Variants in DNAH6 observed in about 807,000 individuals in gnomAD.
DNAH6 encodes axonemal beta dynein heavy chain 6.
In DNAH6, 340 loss-of-function variants were observed where a neutral mutation model predicts 491.4. That is an observed-to-expected ratio of 0.69 (90% confidence interval 0.63 to 0.76). The LOEUF (loss-of-function observed/expected upper bound fraction) is 0.76. Ranked by LOEUF, DNAH6 falls within the 30% of genes least tolerant of loss-of-function variation. The pLI, the probability that DNAH6 is intolerant of heterozygous loss-of-function variation, is 0.00. For missense variants in DNAH6, 4,443 were observed against 4,972.2 expected (o/e 0.89, Z 3.20); for synonymous variants, 1,603 against 1,686.1 (o/e 0.95, Z 1.21).
At chr2:84,593,346 G>A (rs1684284628) in intron 16 of DNAH6, among the ~76,000 whole-genome samples, 1 of 152,158 alleles carries the variant, frequency 6.6e-6, no homozygotes, top group African/African-American at 2.4e-5. Flanking sequence ...AATTCCTAAT[G>A]TCAAAGCACA....
chr2:84,548,264 TG>T (rs1678987305), intron 7 of DNAH6, 23 bp from the exon 8 acceptor site: 1 of 1,595,468 alleles, frequency 6.3e-7, no homozygotes, highest in Admixed American at 1.8e-5. Context: ...GTACACTTGT[TG>T]TTGTTCCTTC....
At position 84,796,399 on chromosome 2, in the gene DNAH6, A is replaced by G; in HGVS notation, c.11333A>G (p.Glu3778Gly). Reference protein sequence around the residue: ...LKRFFSPETLEEDYKYSESGI... With the variant: ...LKRFFSPETLGEDYKYSESGI... ...AGATTTTTTTCTCCTGAAACATTAG[A>G]AGAAGATTATAAATACTCTGAATCA... The change falls in exon 69 of 77, where the codon GAA becomes GGA. Residue 3778 changes from glutamate (E) to glycine (G), a missense_variant. Around this residue, in one of 3 missense-constraint regions of DNAH6, gnomAD observed 1,463 missense variants for 1,656.6 expected, o/e 0.88. Coordinates refer to ENST00000389394, the MANE Select transcript of DNAH6 (RefSeq NM_001370.2). 6.5e-7 allele frequency: 1 copy of G among 1,528,524 alleles called. No homozygotes were observed. The allele number at this position is 1,528,524 out of a possible 1,614,324, so 94.7% of individuals were successfully genotyped here.
At chr2:84,644,252 C>T (rs1689689083) in intron 33 of DNAH6, among the ~76,000 whole-genome samples, 1 of 152,136 alleles carries the variant, frequency 6.6e-6, no homozygotes, top group South Asian at 2.1e-4. Context: ...TTTCCCCTCC[C>T]CCGGATCTGT....
At chr2:84,686,282 G>A (rs140892264) in intron 43 of DNAH6, among the ~76,000 whole-genome samples, 6 of 151,764 alleles carry the variant, frequency 4.0e-5, no homozygotes, top group African/African-American at 1.5e-4. Flanking sequence ...TAAATTCTTT[G>A]TTAAGTATTC....
intron 33 of DNAH6, among the ~76,000 whole-genome samples, chr2:84,648,160 A>C (rs1219762288): frequency 3.3e-5 from 5 of 152,240 alleles, no homozygotes; most frequent in African/African-American, 1.2e-4. Flanking sequence ...GTTCTAAATG[A>C]GAAAAGGGCT....
In DNAH6 at chr2:84,797,567, T is replaced by A; in HGVS notation, c.11390T>A (p.Leu3797Gln). Residue 3797 changes from leucine to glutamine, a missense_variant, in exon 70 of 77, where the codon CTA becomes CAA. Physicochemically the swap from Leu to Gln is moderately radical, Grantham distance 113. Around this residue, in one of 3 missense-constraint regions of DNAH6, gnomAD observed 1,463 missense variants for 1,656.6 expected, o/e 0.88. Coordinates refer to ENST00000389394, the MANE Select transcript of DNAH6 (RefSeq NM_001370.2). ...TATTTTGCACCCATGGCTGACAGCC[T>A]ACAAGAGTTTAAGGACTACATTGAA... ...GIYFAPMADSLQEFKDYIENL... is the reference protein window; with the variant it reads ...GIYFAPMADSQQEFKDYIENL... 3 of 1,551,838 alleles carry A rather than the reference T, an allele frequency of 1.9e-6. No individual in the cohort carries two copies.
At chr2:84,726,662 T>A (rs1396748587) in intron 60 of DNAH6, among the ~76,000 whole-genome samples, 1 of 152,002 alleles carries the variant, frequency 6.6e-6, no homozygotes. Context: ...TTAGGAGATA[T>A]ACCTAATGCT....
chr2:84,473,737 C>A, the DNAH6 span, among the ~76,000 whole-genome samples: 3 of 152,130 alleles, frequency 2.0e-5, no homozygotes, highest in African/African-American at 7.2e-5. Context: ...GGCTTAATAG[C>A]ACTTTGTTCT....
At chr2:84,622,713 T>C (rs527447969) in intron 26 of DNAH6, among the ~76,000 whole-genome samples, 214 of 152,354 alleles carry the variant, frequency 1.4e-3, no homozygotes, top group African/African-American at 4.9e-3. Flanking sequence ...TACTGGGTCA[T>C]ATGGTAGTTC....
At chr2:84,524,238 A>G (rs566056517) in intron 2 of DNAH6, among the ~76,000 whole-genome samples, 11 of 150,820 alleles carry the variant, frequency 7.3e-5, no homozygotes, top group Admixed American at 2.7e-4. Context: ...TTGCTGGTTT[A>G]AAGTCTGTTT....
At chr2:84,675,825 A>G (rs544821962) in intron 40 of DNAH6, among the ~76,000 whole-genome samples, 4 of 152,106 alleles carry the variant, frequency 2.6e-5, no homozygotes, top group African/African-American at 9.6e-5. Context: ...TGCCTGGCTA[A>G]TTTTTTGAAT....
chr2:84,589,527 C>CA (rs1390623899), intron 16 of DNAH6, among the ~76,000 whole-genome samples: 2 of 151,942 alleles, frequency 1.3e-5, no homozygotes, highest in Non-Finnish European at 2.9e-5. Context: ...GCCTGACCAA[C>CA]ATAGTGAAAC....
Position 84,745,190 on chromosome 2 carries a change from A to T in DNAH6, c.10453A>T (p.Ser3485Cys), listed in dbSNP as rs1383708512. 1.3e-6 allele frequency: 2 copies of T among 1,546,580 alleles called. No individual in the cohort carries two copies. The highest frequency in any genetic ancestry group is 2.0e-5 in the Admixed American group (1 of 49,936). Reference protein sequence around the residue: ...EKEAAHQDPWSAGLSSFHKLI... With the variant: ...EKEAAHQDPWCAGLSSFHKLI... Reference sequence around the variant, plus strand: ...GGAGGCAGCACACCAAGATCCATGGAGTGCAGGATTGAGTTCTTTCCATAA... The same window carrying T: ...GGAGGCAGCACACCAAGATCCATGGTGTGCAGGATTGAGTTCTTTCCATAA... Residue 3485 changes from serine to cysteine, a missense_variant, in exon 63 of 77, where the codon AGT becomes TGT. Transcript: ENST00000389394.
rs1357996117 is a variant in DNAH6, at chr2:84,621,303, A to C, written c.3905A>C (p.Asp1302Ala). Residue 1302 changes from aspartate to alanine, a missense_variant, in exon 25 of 77, where the codon GAC (aspartate) becomes GCC (alanine). By Grantham distance (126) the Asp-to-Ala change is moderately radical (BLOSUM62 -2). Transcript: ENST00000389394. ...LRRLCKAAIA[D>A]YQGKLRTDWV... ...CGCCTGTGCAAAGCTGCCATCGCTG[A>C]CTATCAGGGGAAACTGAGGACAGAC... is the stretch of plus-strand genomic sequence containing the variant. 13 of 1,551,498 alleles carry C rather than the reference A, an allele frequency of 8.4e-6. No homozygotes were observed. The highest frequency in any genetic ancestry group is 3.9e-5 in the Admixed American group (2 of 50,984).
the DNAH6 span, among the ~76,000 whole-genome samples, chr2:84,494,023 A>G: frequency 6.6e-6 from 1 of 152,214 alleles, no homozygotes; most frequent in Non-Finnish European, 1.5e-5. Context: ...AGTCAAAGGC[A>G]AGACAGAATG....
intron 4 of DNAH6, among the ~76,000 whole-genome samples, chr2:84,532,627 T>C (rs1487844973): frequency 3.3e-5 from 5 of 152,134 alleles, no homozygotes; most frequent in African/African-American, 1.2e-4. Context: ...AATCTTTCAA[T>C]CTAGAGCAAT....
intron 11 of DNAH6, among the ~76,000 whole-genome samples, chr2:84,559,335 A>G (rs1431220927): frequency 6.6e-6 from 1 of 152,224 alleles, no homozygotes; most frequent in Non-Finnish European, 1.5e-5. Context: ...AAAAATTTAA[A>G]AAATTTCTAA....
chr2:84,624,903 A>G lies in DNAH6; in HGVS notation c.4355A>G (p.Asp1452Gly), dbSNP rs1687719103. Residue 1452 changes from aspartate (D) to glycine (G), a missense_variant and splice_region_variant, in exon 29 of 77, where the codon GAT becomes GGT. Asp to Gly is a moderately conservative substitution (Grantham distance 94). Transcript: ENST00000389394. ...CPRLVITPLT[D>G]RCYLCLMGAL... ...TTGATAATGCATTGCTTTCTTCAGG[A>G]TCGCTGCTATCTTTGCCTCATGGGA... is the stretch of plus-strand genomic sequence containing the variant. 4.5e-6 allele frequency: 7 copies of G among 1,545,966 alleles called. No individual in the cohort carries two copies. The highest frequency in any genetic ancestry group is 6.1e-6 in the Non-Finnish European group (7 of 1,144,798).
chr2:84,642,882 T>G (rs1186300318), intron 33 of DNAH6, among the ~76,000 whole-genome samples: 1 of 152,156 alleles, frequency 6.6e-6, no homozygotes, highest in African/African-American at 2.4e-5. Flanking sequence ...GCTATAACAA[T>G]TTTGAACAAA....
Sources: gnomAD v4.1 joint callset for allele counts (sites outside exome capture counted in the v4.1 genomes callset) on GRCh38, gnomAD v4.1.1 for gene constraint, gnomAD v4.1.1 regional missense constraint, MANE v1.5 for transcripts, NCBI Gene and HGNC (gene_info 2026-07-23, HGNC 2026-07-21) for gene names.